MOXD1: variants seen among roughly 807,000 people sequenced by gnomAD.
MOXD1 encodes the protein monooxygenase DBH like 1.
A neutral mutation model predicts 66.6 loss-of-function variants in MOXD1; 62 were observed. The observed-to-expected ratio is 0.93, with a 90% CI of 0.76 to 1.15. The LOEUF (loss-of-function observed/expected upper bound fraction) is 1.15. Ranked by LOEUF, MOXD1 falls within the 50% of genes most tolerant of loss-of-function variation. The pLI, the probability that MOXD1 is intolerant of heterozygous loss-of-function variation, is 0.00. For synonymous variants in MOXD1, 303 were observed against 281.9 expected, an observed-to-expected ratio of 1.07 and a Z score of -0.75; for missense variants, 847 against 754.6, an observed-to-expected ratio of 1.12 and a Z score of -1.44.
chr6:132,358,565 G>A (rs899743751), intron 4 of MOXD1, among the ~76,000 whole-genome samples: 8 of 152,156 alleles, frequency 5.3e-5, no homozygotes, highest in Middle Eastern at 3.2e-3. Context: ...GTAATCTTGA[G>A]AAGATATGAA....
chr6:132,380,733 CA>C (rs1554237414), intron 1 of MOXD1, among the ~76,000 whole-genome samples: 1 of 151,596 alleles, frequency 6.6e-6, no homozygotes, highest in East Asian at 1.9e-4. Context: ...GTCAATGGAA[CA>C]AAAAAAGGGG....
intron 1 of MOXD1, chr6:132,391,711 C>A (rs1776768889): frequency 6.6e-6 from 1 of 152,456 alleles, no homozygotes; most frequent in Non-Finnish European, 1.5e-5. Context: ...AACCACCATT[C>A]AGTTTCTTTG....
chr6:132,349,392 TACAC>T (rs1157962040), intron 4 of MOXD1, among the ~76,000 whole-genome samples: 1 of 86,900 alleles, frequency 1.2e-5, no homozygotes, highest in African/African-American at 4.5e-5. Flanking sequence ...TATATATATA[TACAC>T]ATATATATAC....
Position 132,297,194 on chromosome 6 carries a change from G to A in MOXD1, c.1801C>T (p.Leu601Phe). The change falls in exon 12 of 12, where the codon CTT becomes TTT. Residue 601 changes from leucine (L) to phenylalanine (F), a missense_variant. By Grantham distance (22) the Leu-to-Phe change is conservative. Transcript: ENST00000367963. Reference sequence around the variant, plus strand: ...CTCAGCGTGCAGCTGAGTAGCAGAAGGCAAACAAGCAAGTTGATGGAGAAA... The same window carrying A: ...CTCAGCGTGCAGCTGAGTAGCAGAAAGCAAACAAGCAAGTTGATGGAGAAA... ...RDFSINLLVC[L>F]LLLSCTLSTK... The A allele has an allele frequency of 6.2e-7, 1 of 1,613,568 alleles. No individual in the cohort carries two copies. Among genetic ancestry groups the A allele is most frequent in the Non-Finnish European group, 8.5e-7 (1 of 1,179,656 alleles).
chr6:132,320,745 A>T (rs917029467), intron 8 of MOXD1, 57 bp from the exon 9 acceptor site: 7 of 1,419,892 alleles, frequency 4.9e-6, no homozygotes, highest in Non-Finnish European at 6.8e-6. Flanking sequence ...TTATTTATCA[A>T]ATACATTTGT....
At chr6:132,390,030 G>A (rs1028581828) in intron 1 of MOXD1, among the ~76,000 whole-genome samples, 15 of 151,388 alleles carry the variant, frequency 9.9e-5, no homozygotes, top group African/African-American at 3.6e-4. Flanking sequence ...AAAGAATACA[G>A]AATATAAGAG....
intron 10 of MOXD1, among the ~76,000 whole-genome samples, chr6:132,313,623 T>A (rs188829054): frequency 4.6e-5 from 7 of 152,118 alleles, no homozygotes; most frequent in African/African-American, 1.2e-4. Flanking sequence ...GTCTCAAAAC[T>A]CTATGTGTGG....
chr6:132,315,411 T>C (rs768864551), intron 10 of MOXD1, among the ~76,000 whole-genome samples: 91 of 152,348 alleles, frequency 6.0e-4, no homozygotes, highest in Non-Finnish European at 1.3e-3. Flanking sequence ...AACTATTTGC[T>C]GAGTACTGTA....
intron 1 of MOXD1, among the ~76,000 whole-genome samples, chr6:132,389,265 C>T (rs1776709225): frequency 6.6e-6 from 1 of 151,390 alleles, no homozygotes; most frequent in Non-Finnish European, 1.5e-5. Context: ...GGTTTCCATG[C>T]CAGGAAAACC....
chr6:132,395,795 A>G (rs527934279), intron 1 of MOXD1, among the ~76,000 whole-genome samples: 2 of 152,328 alleles, frequency 1.3e-5, no homozygotes, highest in Admixed American at 1.3e-4. Flanking sequence ...TCATTATGTA[A>G]TAATAAAGGG....
At chr6:132,310,356 C>T (rs997793531) in intron 10 of MOXD1, among the ~76,000 whole-genome samples, 5 of 152,002 alleles carry the variant, frequency 3.3e-5, no homozygotes, top group African/African-American at 9.7e-5. Context: ...CAGATGCTGG[C>T]GAGTCTGTGG....
intron 10 of MOXD1, among the ~76,000 whole-genome samples, chr6:132,310,857 G>A (rs557739043): frequency 1.6e-4 from 25 of 152,200 alleles, no homozygotes; most frequent in Non-Finnish European, 3.2e-4. Flanking sequence ...GGGATGGGGG[G>A]TGAAGGGAGG....
intron 4 of MOXD1, among the ~76,000 whole-genome samples, chr6:132,367,368 A>C (rs2114653529): frequency 6.6e-6 from 1 of 152,210 alleles, no homozygotes; most frequent in South Asian, 2.1e-4. Context: ...CACTGTTATA[A>C]ATACTTTATA....
chr6:132,328,157 C>T (rs756651392), intron 5 of MOXD1, 42 bp from the exon 6 acceptor site: 5 of 1,532,502 alleles, frequency 3.3e-6, no homozygotes, highest in Admixed American at 1.7e-5. Flanking sequence ...CTATGAAAGT[C>T]CCTGAGAGCT....
intron 6 of MOXD1, chr6:132,325,201 T>A (rs1195791485): frequency 6.6e-6 from 1 of 152,186 alleles, no homozygotes; most frequent in Non-Finnish European, 1.5e-5. Context: ...CTTCAGATAT[T>A]CAGGGTCATC....
intron 1 of MOXD1, among the ~76,000 whole-genome samples, chr6:132,392,796 T>C (rs1776794315): frequency 6.6e-6 from 1 of 152,370 alleles, no homozygotes; most frequent in African/African-American, 2.4e-5. Flanking sequence ...CTCTCTTTTC[T>C]TTCCCATCTT....
chr6:132,309,660 T>C (rs1774779240), intron 10 of MOXD1, among the ~76,000 whole-genome samples: 1 of 152,076 alleles, frequency 6.6e-6, no homozygotes, highest in Admixed American at 6.6e-5. Flanking sequence ...ATGATACTGG[T>C]GCAAAAACAG....
At chr6:132,333,803 G>C (rs1382303901) in intron 4 of MOXD1, among the ~76,000 whole-genome samples, 1 of 152,152 alleles carries the variant, frequency 6.6e-6, no homozygotes, top group East Asian at 1.9e-4. Context: ...AGGCAAGGAG[G>C]GCCTGGCAGC....
chr6:132,341,225 G>A (rs920317893), intron 4 of MOXD1, among the ~76,000 whole-genome samples: 4 of 152,140 alleles, frequency 2.6e-5, no homozygotes, highest in Non-Finnish European at 4.4e-5. Flanking sequence ...GAAAGACTGG[G>A]TTCATTCTCA....
Sources: gnomAD v4.1 joint callset for allele counts (sites outside exome capture counted in the v4.1 genomes callset) on GRCh38, gnomAD v4.1.1 for gene constraint, MANE v1.5 for transcripts, NCBI Gene and HGNC (gene_info 2026-07-23, HGNC 2026-07-21) for gene names.